Variants in PHF7 observed in about 807,000 individuals in gnomAD.
PHF7 encodes E3 ubiquitin-protein ligase PHF7.
A neutral mutation model predicts 47.5 loss-of-function variants in PHF7; 24 were observed. The ratio of observed to expected loss-of-function variants is 0.51; its 90% CI spans 0.37 to 0.71. The LOEUF (loss-of-function observed/expected upper bound fraction) is 0.71. Among genes scored for constraint, PHF7 ranks in the 30% least tolerant of loss-of-function variants. The pLI, the probability that PHF7 is intolerant of heterozygous loss-of-function variation, is 0.00. For missense variants in PHF7, 361 were observed against 456.8 expected, an observed-to-expected ratio of 0.79 and a Z score of 1.91; for synonymous variants, 156 against 153.8, an observed-to-expected ratio of 1.01 and a Z score of -0.11.
intron 2 of PHF7, 126 bp from the exon 3 acceptor site, chr3:52,413,870 A>G: frequency 1.5e-6 from 1 of 682,760 alleles, no homozygotes; most frequent in Non-Finnish European, 2.6e-6. Context: ...AAAGAAGCTG[A>G]TGTCTTAGGC....
Position 52,423,509 on chromosome 3 carries a change from T to A in PHF7, c.*192T>A. On this transcript the variant is annotated 3_prime_UTR_variant, in exon 11 of 11. Coordinates refer to ENST00000327906, the MANE Select transcript of PHF7 (RefSeq NM_016483.7). ...CCAGATGCCAACAAGGAAATGCGTTTATGGCTACAAGAGTGCCTCTGCTTT... is the reference window on the plus strand; with the variant it reads ...CCAGATGCCAACAAGGAAATGCGTTAATGGCTACAAGAGTGCCTCTGCTTT... The A allele has an allele frequency of 1.8e-6, 1 of 546,954 alleles. No homozygotes were observed. Among genetic ancestry groups the A allele is most frequent in the Non-Finnish European group, 3.3e-6 (1 of 307,322 alleles). 33.9% of individuals were successfully genotyped at this position (546,954 alleles called of 1,614,324 possible). A position where few individuals can be genotyped will look rare whatever the true frequency, so the allele number is the denominator to read the frequency against.
chr3:52,415,257 C>T (rs950469473), intron 4 of PHF7, among the ~76,000 whole-genome samples: 5 of 151,904 alleles, frequency 3.3e-5, no homozygotes, highest in Admixed American at 6.6e-5. Flanking sequence ...AGTGCAGTGG[C>T]GTGATCCCGG....
rs367651150 is a variant in PHF7 at position 52,411,927 on chromosome 3, TAGG to T, written c.-70+683_-70+685del. 8.6e-3 allele frequency among the ~76,000 whole-genome samples: 1,313 copies of T among 152,220 alleles called. 13 individuals carry two copies. Among genetic ancestry groups the T allele is most frequent in the South Asian group, 0.051 (248 of 4,828 alleles). On this transcript the variant is annotated intron_variant, in intron 1 of 10. Transcript: ENST00000327906. ...CCTGAGCCTAGGTGAAAAGAATTGA[TAGG>T]AGAGGTCAGGCCTGGTGGCTCACGC...
chr3:52,411,352 C>T (rs1035752508), intron 1 of PHF7, 105 bp downstream of exon 1: 1 of 152,344 alleles, frequency 6.6e-6, no homozygotes, highest in Non-Finnish European at 1.5e-5. Flanking sequence ...CAGGACATGC[C>T]CTTCTCTCTC....
chr3:52,420,993 C>T lies in PHF7; in HGVS notation c.504C>T (p.Ser168=). The T allele has an allele frequency of 6.2e-7, 1 of 1,612,136 alleles. No individual in the cohort carries two copies. The highest frequency in any genetic ancestry group is 8.5e-7 in the Non-Finnish European group (1 of 1,178,368). The part of the protein sequence containing the change: ...ESCILCCEDL[S]QQSVENIQSP... ...GCATCTTATGTTGTGAAGACTTATC[C>T]CAACAGAGTGTTGAGAACATCCAGA... is the stretch of plus-strand genomic sequence containing the variant. Residue 168 remains serine, a synonymous_variant, in exon 7 of 11, where the codon TCC becomes TCT. Coordinates refer to ENST00000327906, the MANE Select transcript of PHF7 (RefSeq NM_016483.7).
At chr3:52,420,119 C>T (rs942819297) in intron 5 of PHF7, 185 bp downstream of exon 5, 2 of 787,448 alleles carry the variant, frequency 2.5e-6, no homozygotes, top group Admixed American at 1.9e-5. Flanking sequence ...GAGGGAGAAA[C>T]ATCTTGAGAA....
chr3:52,423,542 TCTC>T lies in PHF7; in HGVS notation c.*230_*232del. 4.4e-6 allele frequency: 2 copies of T among 450,606 alleles called. No individual in the cohort carries two copies. The highest frequency in any genetic ancestry group is 3.7e-5 in the East Asian group (1 of 26,978). The allele number at this position is 450,606 out of a possible 1,614,324, so 27.9% of individuals were successfully genotyped here. A position where few individuals can be genotyped will look rare whatever the true frequency, so the allele number is the denominator to read the frequency against. On this transcript the variant is annotated 3_prime_UTR_variant, in exon 11 of 11. Transcript: ENST00000327906. ...CAAGAGTGCCTCTGCTTTCTCCTCCTCTCCTCCCACCAAGGATTCTTCCACCTT... is the reference window on the plus strand; with the variant it reads ...CAAGAGTGCCTCTGCTTTCTCCTCCTCTCCCACCAAGGATTCTTCCACCTT...
At chr3:52,423,058 T>C in intron 10 of PHF7, 33 bp from the exon 11 acceptor site, 2 of 1,533,128 alleles carry the variant, frequency 1.3e-6, no homozygotes, top group Non-Finnish European at 1.8e-6. Context: ...AAGCAGAGGC[T>C]TGAGTTTTCC....
intron 1 of PHF7, among the ~76,000 whole-genome samples, chr3:52,411,737 G>A (rs1705445669): frequency 6.6e-6 from 1 of 152,252 alleles, no homozygotes; most frequent in Non-Finnish European, 1.5e-5. Context: ...CCGTTAACCA[G>A]TGAAACTGTA....
intron 1 of PHF7, among the ~76,000 whole-genome samples, chr3:52,412,607 C>T (rs1705484816): frequency 6.6e-6 from 1 of 152,206 alleles, no homozygotes; most frequent in African/African-American, 2.4e-5. Context: ...CTCTGTGCCT[C>T]AGTCCCCCAT....
In PHF7 at chr3:52,412,896, A is replaced by G. The variant is rs778717476; in HGVS notation, c.17A>G (p.Glu6Gly). The change falls in exon 2 of 11, where the codon GAA becomes GGA. Residue 6 changes from glutamate (E) to glycine (G), a missense_variant. By Grantham distance (98) the Glu-to-Gly change is moderately conservative (BLOSUM62 -2). Coordinates refer to ENST00000327906, the MANE Select transcript of PHF7 (RefSeq NM_016483.7). Reference sequence around the variant, plus strand: ...CAGCACCGAATGAAGACTGTAAAAGAAAAGAAGGAATGCCAGAGATTGAGG... The same window carrying G: ...CAGCACCGAATGAAGACTGTAAAAGGAAAGAAGGAATGCCAGAGATTGAGG... MKTVK[E>G]KKECQRLRKS... 6 of 1,610,644 alleles carry G rather than the reference A, an allele frequency of 3.7e-6. No homozygotes were observed. Among genetic ancestry groups the G allele is most frequent in the Non-Finnish European group, 5.1e-6 (6 of 1,177,270 alleles).
intron 1 of PHF7, among the ~76,000 whole-genome samples, chr3:52,412,333 C>G (rs1185694628): frequency 6.6e-6 from 1 of 152,196 alleles, no homozygotes; most frequent in Non-Finnish European, 1.5e-5. Flanking sequence ...GCTACCTTAT[C>G]TAGCTTTCAC....
chr3:52,415,747 T>G (rs1705603639), intron 4 of PHF7, among the ~76,000 whole-genome samples: 1 of 152,258 alleles, frequency 6.6e-6, no homozygotes, highest in Admixed American at 6.5e-5. Flanking sequence ...AGTATTCGGT[T>G]GCATGAATAA....
chr3:52,422,076 C>A, intron 8 of PHF7, 146 bp from the exon 9 acceptor site: 1 of 700,298 alleles, frequency 1.4e-6, no homozygotes. Context: ...CACTGCCAGG[C>A]CACTTGGCCA....
rs752054501 is a variant in PHF7, at chr3:52,421,648, A to C, written c.574A>C (p.Lys192Gln). ...QAIYHRKCIQ[K>Q]YAHTSAKHFF... ...GAGCTCTTCCCTGTTTCTCTTACAG[A>C]AATATGCCCACACATCAGCAAAGCA... Residue 192 changes from lysine (K) to glutamine (Q), a missense_variant and splice_region_variant, in exon 8 of 11, where the codon AAA becomes CAA. Lys to Gln is a moderately conservative substitution (Grantham distance 53, BLOSUM62 1). Coordinates refer to ENST00000327906, the MANE Select transcript of PHF7 (RefSeq NM_016483.7). 1 of 1,576,978 alleles carries C rather than the reference A, an allele frequency of 6.3e-7. No individual in the cohort carries two copies. Among genetic ancestry groups the C allele is most frequent in the Non-Finnish European group, 8.7e-7 (1 of 1,146,162 alleles).
intron 2 of PHF7, among the ~76,000 whole-genome samples, chr3:52,413,209 G>A (rs1705513097): frequency 6.6e-6 from 1 of 152,206 alleles, no homozygotes; most frequent in South Asian, 2.1e-4. Context: ...TCTGGAAAAT[G>A]TACATAATAA....
At chr3:52,416,089 T>C (rs1268077210) in intron 4 of PHF7, among the ~76,000 whole-genome samples, 2 of 152,230 alleles carry the variant, frequency 1.3e-5, no homozygotes, top group East Asian at 3.8e-4. Context: ...ACTGGGTGTG[T>C]ATTGGTATTT....
At chr3:52,419,148 C>A (rs897285871) in intron 4 of PHF7, among the ~76,000 whole-genome samples, 2 of 151,948 alleles carry the variant, frequency 1.3e-5, no homozygotes, top group Admixed American at 1.3e-4. Context: ...GGAAATGTTT[C>A]CCCCAAAGTC....
At chr3:52,412,023 C>G (rs1220109034) in intron 1 of PHF7, among the ~76,000 whole-genome samples, 3 of 152,072 alleles carry the variant, frequency 2.0e-5, no homozygotes, top group African/African-American at 7.2e-5. Context: ...GAAGACCAGT[C>G]TGGGCAACAT....
Sources: gnomAD v4.1 joint callset for allele counts (sites outside exome capture counted in the v4.1 genomes callset) on GRCh38, gnomAD v4.1.1 for gene constraint, MANE v1.5 for transcripts, NCBI Gene and HGNC (gene_info 2026-07-23, HGNC 2026-07-21) for gene names.